The following PSD3 variants were observed in gnomAD, a reference collection of about 807,000 sequenced individuals.
The protein encoded by PSD3 is pleckstrin and Sec7 domain containing 3, also known as PH and SEC7 domain-containing protein 3.
PSD3 carries 49 observed loss-of-function variants against 105.5 expected under a neutral mutation model. The observed-to-expected ratio is 0.46, with a 90% CI of 0.37 to 0.59. The LOEUF is 0.59. Ranked by LOEUF, PSD3 falls within the 20% of genes least tolerant of loss-of-function variation. PSD3 has a pLI of 0.00. For synonymous variants in PSD3, 557 were observed against 457.8 expected (o/e 1.22, Z -2.77); for missense variants, 1,561 against 1,263.8 (o/e 1.24, Z -3.57).
At chr8:18,728,920 A>G (rs1803526627) in intron 9 of PSD3, among the ~76,000 whole-genome samples, 1 of 152,200 alleles carries the variant, frequency 6.6e-6, no homozygotes, top group Non-Finnish European at 1.5e-5. Context: ...TCTGCTTCTC[A>G]GTTATTCTGG....
At chr8:19,023,087 T>C (rs1194169151) in intron 1 of PSD3, among the ~76,000 whole-genome samples, 5 of 152,074 alleles carry the variant, frequency 3.3e-5, no homozygotes, top group Non-Finnish European at 7.4e-5. Flanking sequence ...CATCATAGAG[T>C]CTTATATTTG....
intron 9 of PSD3, chr8:18,763,021 A>C: frequency 1.4e-6 from 1 of 705,718 alleles, no homozygotes; most frequent in Non-Finnish European, 2.2e-6. Flanking sequence ...CCAATCCCAC[A>C]ACACCTAGTA....
chr8:18,531,953 C>G lies in PSD3; in HGVS notation c.*3790G>C, dbSNP rs1799650163. On this transcript the variant is annotated 3_prime_UTR_variant, in exon 16 of 16. Transcript: ENST00000327040. ...AGAGATTCAAACCTGCAAAGCTAAACTTCTGTGAATTCAGGATGCAACATG... is the reference window on the plus strand; with the variant it reads ...AGAGATTCAAACCTGCAAAGCTAAAGTTCTGTGAATTCAGGATGCAACATG... The G allele has an allele frequency of 6.6e-6, 1 of 152,218 alleles. No individual in the cohort carries two copies. Among genetic ancestry groups the G allele is most frequent in the Non-Finnish European group, 1.5e-5 (1 of 68,044 alleles). The allele number at this position is 152,218 out of a possible 1,614,324, so 9.4% of individuals were successfully genotyped here.
rs373327533 is a variant in PSD3, at chr8:18,845,562, G to A, written c.1634+22112C>T. Among the ~76,000 whole-genome samples the A allele has an allele frequency of 7.6e-4, 116 of 152,308 alleles. 1 individual carries two copies. The South Asian group carries it at 0.024, about 31-fold the overall frequency. On this transcript the variant is annotated intron_variant, in intron 4 of 15. Coordinates refer to ENST00000327040, the MANE Select transcript of PSD3 (RefSeq NM_015310.4). ...AGTGTCAGCCACACCCATGAGGGCC[G>A]CTGGACCTCTTTCACTCCCTCTTCT...
chr8:18,938,827 C>T (rs1461074180), intron 1 of PSD3, among the ~76,000 whole-genome samples: 2 of 152,114 alleles, frequency 1.3e-5, no homozygotes, highest in Non-Finnish European at 2.9e-5. Flanking sequence ...GGCTAAATAA[C>T]TTTTCCAAAG....
At chr8:18,812,259 C>T (rs1811761045) in intron 4 of PSD3, among the ~76,000 whole-genome samples, 1 of 152,136 alleles carries the variant, frequency 6.6e-6, no homozygotes, top group Non-Finnish European at 1.5e-5. Flanking sequence ...ATTTAAATAT[C>T]CTGAGAAACA....
At chr8:18,952,794 A>T (rs1294398529) in intron 1 of PSD3, among the ~76,000 whole-genome samples, 1 of 152,224 alleles carries the variant, frequency 6.6e-6, no homozygotes, top group African/African-American at 2.4e-5. Flanking sequence ...ACATATGGAC[A>T]ATTTGGAGAC....
intron 8 of PSD3, among the ~76,000 whole-genome samples, chr8:18,783,118 G>A (rs233197): frequency 0.046 from 6,984 of 152,200 alleles, 179 homozygotes; most frequent in Middle Eastern, 0.071. Context: ...AAAGCCATTT[G>A]ATCTTAGGCT....
intron 12 of PSD3, among the ~76,000 whole-genome samples, chr8:18,583,583 C>G (rs980190813): frequency 4.6e-5 from 7 of 152,184 alleles, no homozygotes; most frequent in South Asian, 2.1e-4. Flanking sequence ...CACGCTGTAT[C>G]ACATCTAAGT....
At chr8:18,944,031 T>C (rs1822712870) in intron 1 of PSD3, among the ~76,000 whole-genome samples, 1 of 152,174 alleles carries the variant, frequency 6.6e-6, no homozygotes, top group African/African-American at 2.4e-5. Flanking sequence ...TCCACGTGGC[T>C]ATTACCACCC....
chr8:18,908,664 T>C (rs1464572477), intron 2 of PSD3, among the ~76,000 whole-genome samples: 1 of 152,232 alleles, frequency 6.6e-6, no homozygotes, highest in Non-Finnish European at 1.5e-5. Flanking sequence ...ACAAGTCATC[T>C]GTTCATGAGA....
chr8:19,048,564 A>C (rs1352199406), intron 1 of PSD3, among the ~76,000 whole-genome samples: 3 of 152,216 alleles, frequency 2.0e-5, no homozygotes, highest in Non-Finnish European at 4.4e-5. Context: ...AATGAGAAAG[A>C]AGTAAGGGAG....
intron 9 of PSD3, among the ~76,000 whole-genome samples, chr8:18,752,612 CATATAATATATATT>C (rs1805678153): frequency 1.9e-5 from 1 of 51,598 alleles, no homozygotes; most frequent in African/African-American, 8.9e-5. Flanking sequence ...ATATATAATA[CATATAATATATATT>C]ATATATAATA....
intron 10 of PSD3, among the ~76,000 whole-genome samples, chr8:18,653,964 C>A (rs1808707448): frequency 6.6e-6 from 1 of 152,148 alleles, no homozygotes; most frequent in Non-Finnish European, 1.5e-5. Flanking sequence ...AAGATTCTGA[C>A]TATATCCTTC....
intron 15 of PSD3, among the ~76,000 whole-genome samples, chr8:18,544,171 CAAAAAAAAAAAA>C (rs201016537): frequency 2.8e-5 from 3 of 106,694 alleles, no homozygotes; most frequent in African/African-American, 1.5e-4. Context: ...AGAAACAAAC[CAAAAAAAAAAAA>C]AAAAAAAAAA....
At chr8:18,648,565 T>C (rs1028292655) in intron 10 of PSD3, among the ~76,000 whole-genome samples, 5 of 152,208 alleles carry the variant, frequency 3.3e-5, no homozygotes, top group South Asian at 4.1e-4. Flanking sequence ...CTGGAACTTA[T>C]ATCTAAAAGT....
intron 8 of PSD3, among the ~76,000 whole-genome samples, chr8:18,782,005 C>T (rs1249072096): frequency 6.6e-6 from 1 of 151,964 alleles, no homozygotes; most frequent in Non-Finnish European, 1.5e-5. Context: ...TTATTTTACT[C>T]TTTGAATTCT....
rs78666548 is a variant in PSD3 at position 18,834,436 on chromosome 8, T to C, written c.1635-29538A>G. On this transcript the variant is annotated intron_variant, in intron 4 of 15. Transcript: ENST00000327040. ...GCAAAATACATTGTACTGAGCATTC[T>C]AATCACTGCATCCTTGTGTCAGGGC... Among the ~76,000 whole-genome samples, 1,395 of 152,330 alleles carry C rather than the reference T, an allele frequency of 9.2e-3. 9 individuals carry two copies. Among genetic ancestry groups the C allele is most frequent in the Non-Finnish European group, 0.014 (953 of 68,024 alleles).
In PSD3 at chr8:18,917,109, CCCT is replaced by C. The variant is rs200934962; in HGVS notation, c.130+18922_130+18924del. ...ACCCAGCTGCCCAAAGCAGAAACTA[CCCT>C]CAATGCCTTCACCTTCTTTTCTTCC... On this transcript the variant is annotated intron_variant, in intron 2 of 15. Coordinates refer to ENST00000327040, the MANE Select transcript of PSD3 (RefSeq NM_015310.4). Among the ~76,000 whole-genome samples, 28 of 152,250 alleles carry C rather than the reference CCCT, an allele frequency of 1.8e-4. 1 individual carries two copies. In the East Asian group the frequency reaches 4.8e-3, roughly 26 times the overall value.
Sources: gnomAD v4.1 joint callset for allele counts (sites outside exome capture counted in the v4.1 genomes callset) on GRCh38, gnomAD v4.1.1 for gene constraint, MANE v1.5 for transcripts, NCBI Gene and HGNC (gene_info 2026-07-23, HGNC 2026-07-21) for gene names.